YPEL2: variants seen among roughly 807,000 people sequenced by gnomAD.
The protein encoded by YPEL2 is protein yippee-like 2.
In YPEL2, 2 loss-of-function variants were observed where a neutral mutation model predicts 19.1. The ratio of observed to expected loss-of-function variants is 0.10; its 90% CI spans 0.04 to 0.33. The LOEUF is 0.33. Among genes scored for constraint, YPEL2 ranks in the 10% least tolerant of loss-of-function variants. The pLI is 1.00. For synonymous variants in YPEL2, 52 were observed against 50.0 expected (o/e 1.04, Z -0.17); for missense variants, 66 against 140.7 (o/e 0.47, Z 2.68).
intron 2 of YPEL2, among the ~76,000 whole-genome samples, chr17:59,360,239 G>A (rs966615376): frequency 1.3e-5 from 2 of 152,196 alleles, no homozygotes; most frequent in Admixed American, 1.3e-4. Context: ...ACCACGCCCG[G>A]CTAATTTTTT....
chr17:59,337,294 T>G (rs1332074723), intron 1 of YPEL2, among the ~76,000 whole-genome samples: 1 of 151,482 alleles, frequency 6.6e-6, no homozygotes, highest in African/African-American at 2.4e-5. Flanking sequence ...TTCACGCCAT[T>G]CTCCTGCCTC....
chr17:59,398,997 A>G lies in YPEL2; in HGVS notation c.*1807A>G, dbSNP rs1007587324. 4 of 152,240 alleles carry G rather than the reference A, an allele frequency of 2.6e-5. No individual in the cohort carries two copies. Among genetic ancestry groups the G allele is most frequent in the African/African-American group, 9.7e-5 (4 of 41,434 alleles). 9.4% of individuals were successfully genotyped at this position (152,240 alleles called of 1,614,324 possible). The stretch of plus-strand genomic sequence containing the variant: ...AGCCCCAAGACGTGTGGGCTTAGAA[A>G]TCAACTTTTGTTCCCCAAGGCTTCT... On this transcript the variant is annotated 3_prime_UTR_variant, in exon 5 of 5. Transcript: ENST00000312655.
rs1251446812 is a variant in YPEL2 at position 59,400,808 on chromosome 17, T to G, written c.*3618T>G. 1 of 152,668 alleles carries G rather than the reference T, an allele frequency of 6.6e-6. No homozygotes were observed. Among genetic ancestry groups the G allele is most frequent in the Non-Finnish European group, 1.5e-5 (1 of 68,034 alleles). 9.5% of individuals were successfully genotyped at this position (152,668 alleles called of 1,614,324 possible). A position where few individuals can be genotyped will look rare whatever the true frequency, so the allele number is the denominator to read the frequency against. On this transcript the variant is annotated 3_prime_UTR_variant, in exon 5 of 5. Coordinates refer to ENST00000312655, the MANE Select transcript of YPEL2 (RefSeq NM_001005404.4). ...CCTGTTTTCTCGAGTGGGGACACTT[T>G]AACTACAGTTTACACCTCGGGCGCA...
At chr17:59,389,555 C>A in intron 4 of YPEL2, 87 bp downstream of exon 4, 1 of 1,049,120 alleles carries the variant, frequency 9.5e-7, no homozygotes. Context: ...ACTCGCTTTC[C>A]ATGGCCTTGT....
In YPEL2 at chr17:59,389,370, G is replaced by A. The variant is rs1472940328; in HGVS notation, c.172G>A (p.Gly58Ser). Residue 58 changes from glycine to serine, a missense_variant, in exon 4 of 5, where the codon GGC becomes AGC. Gly to Ser is a moderately conservative substitution (Grantham distance 56). Transcript: ENST00000312655. ...TGTGCCTCGACATAGAGTTAATGTG[G>A]GCTGTGGGCCTGCAGAAGAGCGAGT... ...AYLFNSVVNV[G>S]CGPAEERVLL... 1.2e-6 allele frequency: 2 copies of A among 1,613,960 alleles called. No individual in the cohort carries two copies. Among genetic ancestry groups the A allele is most frequent in the African/African-American group, 1.3e-5 (1 of 75,032 alleles).
Position 59,343,609 on chromosome 17 carries a change from T to C in YPEL2, c.-195-9606T>C, listed in dbSNP as rs73996403. Among the ~76,000 whole-genome samples, 400 of 152,236 alleles carry C rather than the reference T, an allele frequency of 2.6e-3. 2 individuals are homozygous for C. Among genetic ancestry groups the C allele is most frequent in the African/African-American group, 9.3e-3 (386 of 41,516 alleles). Reference sequence around the variant, plus strand: ...CAGAGAAGGGTAGGGTAAGGCATTATAGGAGCTGGAATAATGTAAGGAGCA... The same window carrying C: ...CAGAGAAGGGTAGGGTAAGGCATTACAGGAGCTGGAATAATGTAAGGAGCA... On this transcript the variant is annotated intron_variant, in intron 1 of 4. Coordinates refer to ENST00000312655, the MANE Select transcript of YPEL2 (RefSeq NM_001005404.4).
At chr17:59,349,823 G>C (rs1266974400) in intron 1 of YPEL2, among the ~76,000 whole-genome samples, 1 of 152,052 alleles carries the variant, frequency 6.6e-6, no homozygotes, top group East Asian at 1.9e-4. Flanking sequence ...ACCATGCCCG[G>C]CTAATTTTTG....
chr17:59,391,702 C>T (rs765262213), intron 4 of YPEL2, among the ~76,000 whole-genome samples: 2 of 151,886 alleles, frequency 1.3e-5, no homozygotes, highest in Non-Finnish European at 2.9e-5. Context: ...GTTCGAGACC[C>T]GCCTGGCCAA....
chr17:59,342,508 T>G (rs1305897828), intron 1 of YPEL2, among the ~76,000 whole-genome samples: 1 of 152,194 alleles, frequency 6.6e-6, no homozygotes, highest in Non-Finnish European at 1.5e-5. Context: ...TCTTCCTAGA[T>G]CTTGTAAATG....
chr17:59,364,468 C>T (rs1224548080), intron 2 of YPEL2, among the ~76,000 whole-genome samples: 1 of 152,182 alleles, frequency 6.6e-6, no homozygotes, highest in African/African-American at 2.4e-5. Context: ...GTTCCTTCTA[C>T]TTCCCCCCTG....
At chr17:59,333,549 T>A (rs1265388128) in intron 1 of YPEL2, among the ~76,000 whole-genome samples, 1 of 152,178 alleles carries the variant, frequency 6.6e-6, no homozygotes, top group Non-Finnish European at 1.5e-5. Context: ...GGTCTGTAAC[T>A]GAAATAAGTT....
intron 2 of YPEL2, among the ~76,000 whole-genome samples, chr17:59,387,190 A>G (rs893336456): frequency 2.2e-5 from 3 of 136,960 alleles, no homozygotes; most frequent in African/African-American, 8.2e-5. Flanking sequence ...AACTCAGGAG[A>G]TGGAGGTGCA....
chr17:59,372,621 A>G (rs1272952522), intron 2 of YPEL2, among the ~76,000 whole-genome samples: 1 of 152,164 alleles, frequency 6.6e-6, no homozygotes, highest in Non-Finnish European at 1.5e-5. Context: ...CCCTTCAGTA[A>G]GGAAATATTT....
chr17:59,359,423 G>C (rs547446542), intron 2 of YPEL2, among the ~76,000 whole-genome samples: 8 of 152,230 alleles, frequency 5.3e-5, no homozygotes, highest in Non-Finnish European at 7.4e-5. Flanking sequence ...AGTGGCTACT[G>C]TGTCACATCA....
rs1906599054 is a variant in YPEL2 at position 59,353,627 on chromosome 17, ATC to A, written c.117+103_117+104del. On this transcript the variant is annotated intron_variant, in intron 2 of 4. Transcript: ENST00000312655. The surrounding 1 kb of genome is among the most constrained non-coding windows in gnomAD (Gnocchi z 4.8). ...AAGCTCTCAAGAATATTTGTACTCCATCTTTGTACAGGGAGGGCTGACCCACG... is the reference window on the plus strand; with the variant it reads ...AAGCTCTCAAGAATATTTGTACTCCATTTGTACAGGGAGGGCTGACCCACG... 6.5e-6 allele frequency: 6 copies of A among 920,644 alleles called. No homozygotes were observed. The highest frequency in any genetic ancestry group is 1.1e-5 in the Non-Finnish European group (6 of 557,448). 57.0% of individuals were successfully genotyped at this position (920,644 alleles called of 1,614,324 possible). A position where few individuals can be genotyped will look rare whatever the true frequency, so the allele number is the denominator to read the frequency against.
rs1444725145 is a variant in YPEL2 at position 59,400,208 on chromosome 17, C to G, written c.*3018C>G. Reference sequence around the variant, plus strand: ...CCTGACTGAGTGTTCTTCCTGAGTTCACGAGGATAGGCTAGAGTGCATTTT... The same window carrying G: ...CCTGACTGAGTGTTCTTCCTGAGTTGACGAGGATAGGCTAGAGTGCATTTT... On this transcript the variant is annotated 3_prime_UTR_variant, in exon 5 of 5. Transcript: ENST00000312655. 1 of 152,582 alleles carries G rather than the reference C, an allele frequency of 6.6e-6. No individual in the cohort carries two copies. Among genetic ancestry groups the G allele is most frequent in the African/African-American group, 2.4e-5 (1 of 41,420 alleles). The allele number at this position is 152,582 out of a possible 1,614,324, so 9.5% of individuals were successfully genotyped here.
intron 1 of YPEL2, among the ~76,000 whole-genome samples, chr17:59,350,083 CTTTTCTTTTTT>C (rs1218801936): frequency 5.3e-5 from 8 of 151,876 alleles, no homozygotes; most frequent in Non-Finnish European, 1.0e-4. Context: ...TTCCCTTTTT[CTTTTCTTTTTT>C]TTTAATGCTC....
At chr17:59,367,439 C>T (rs927453013) in intron 2 of YPEL2, among the ~76,000 whole-genome samples, 7 of 152,248 alleles carry the variant, frequency 4.6e-5, no homozygotes, top group Non-Finnish European at 7.4e-5. Context: ...TAGTATTTTA[C>T]GCTTTGCTGG....
At chr17:59,391,855 A>G (rs2048009021) in intron 4 of YPEL2, among the ~76,000 whole-genome samples, 1 of 152,080 alleles carries the variant, frequency 6.6e-6, no homozygotes, top group South Asian at 2.1e-4. Flanking sequence ...AGCCGAGATC[A>G]TGCCATTGCA....
Sources: gnomAD v4.1 joint callset for allele counts (sites outside exome capture counted in the v4.1 genomes callset) on GRCh38, gnomAD v4.1.1 for gene constraint, Gnocchi (gnomAD v3.1) non-coding constraint, MANE v1.5 for transcripts, NCBI Gene and HGNC (gene_info 2026-07-23, HGNC 2026-07-21) for gene names.